The following MSI2 variants were observed in gnomAD, a reference collection of about 807,000 sequenced individuals.
MSI2 encodes musashi RNA binding protein 2.
In MSI2, 17 loss-of-function variants were observed where a neutral mutation model predicts 45.6. That is an observed-to-expected ratio of 0.37 (90% CI 0.26 to 0.56). The LOEUF is 0.56. Among genes scored for constraint, MSI2 ranks in the 20% least tolerant of loss-of-function variants. The probability of loss-of-function intolerance (pLI) is 0.77; values close to 1 mark genes in which losing one functional copy is unlikely to be tolerated. For synonymous variants in MSI2, 156 were observed against 158.2 expected (o/e 0.99, Z 0.11); for missense variants, 293 against 444.2 (o/e 0.66, Z 3.06).
At chr17:57,687,690 T>C (rs928934519), downstream of MSI2, among the ~76,000 whole-genome samples, 1 of 152,082 alleles carries the variant, frequency 6.6e-6, no homozygotes, top group Non-Finnish European at 1.5e-5. Context: ...TTCCAGATGA[T>C]AGAGAAATAT....
intron 6 of MSI2, among the ~76,000 whole-genome samples, chr17:57,469,121 G>T (rs944466945): frequency 2.0e-5 from 3 of 152,170 alleles, no homozygotes; most frequent in African/African-American, 7.2e-5. Flanking sequence ...GAGCCTCTTT[G>T]TGCTCTGAAA....
intron 6 of MSI2, among the ~76,000 whole-genome samples, chr17:57,404,531 A>C (rs2084048850): frequency 6.6e-6 from 1 of 152,162 alleles, no homozygotes; most frequent in African/African-American, 2.4e-5. Flanking sequence ...ACAGTGTAAG[A>C]GCCAGAATTC....
intron 6 of MSI2, among the ~76,000 whole-genome samples, chr17:57,503,676 G>A (rs1296275055): frequency 6.6e-6 from 1 of 152,342 alleles, no homozygotes; most frequent in South Asian, 2.1e-4. Context: ...TGGGGTGAGG[G>A]GCAGAGAAGG....
At chr17:57,436,645 G>T (rs372437393) in intron 6 of MSI2, among the ~76,000 whole-genome samples, 1 of 152,348 alleles carries the variant, frequency 6.6e-6, no homozygotes, top group South Asian at 2.1e-4. Context: ...CGCCGAGGAG[G>T]CAGGGGGGTG....
At chr17:57,628,932 C>T (rs1909081355) in intron 10 of MSI2, 1 of 153,502 alleles carries the variant, frequency 6.5e-6, no homozygotes, top group Non-Finnish European at 1.5e-5. Flanking sequence ...TGTCATTAGA[C>T]TTTCCCATTT....
rs1913568791 is a variant in MSI2 at position 57,681,081 on chromosome 17, A to T, written c.*1564A>T. The T allele has an allele frequency of 1.1e-5, 2 of 185,652 alleles. No homozygotes were observed. The highest frequency in any genetic ancestry group is 1.2e-4 in the Admixed American group (2 of 16,108). The allele number at this position is 185,652 out of a possible 1,614,324, so 11.5% of individuals were successfully genotyped here. On this transcript the variant is annotated 3_prime_UTR_variant, in exon 14 of 14. Coordinates refer to ENST00000284073, the MANE Select transcript of MSI2 (RefSeq NM_138962.4). ...AGAATTTTTTTTTAATTTATTGTAG[A>T]TGTAAACAGAATTTTAAAAATAAAA...
intron 5 of MSI2, among the ~76,000 whole-genome samples, chr17:57,378,089 GAAAA>G (rs1318819181): frequency 2.1e-5 from 3 of 145,918 alleles, no homozygotes; most frequent in South Asian, 2.2e-4. Flanking sequence ...AAAAAAAAAA[GAAAA>G]AAAAAGTGAA....
chr17:57,697,150 A>ACACACATACACACACACACT, the MSI2 span, among the ~76,000 whole-genome samples: 105,854 of 150,466 alleles, frequency 0.7, 37,970 homozygotes, highest in African/African-American at 0.79. Flanking sequence ...CAGGACACAC[A>ACACACATACACACACACACT]CACACACACA....
intron 7 of MSI2, among the ~76,000 whole-genome samples, chr17:57,550,997 A>C (rs1355913209): frequency 1.3e-5 from 2 of 152,166 alleles, no homozygotes; most frequent in Non-Finnish European, 2.9e-5. Context: ...CTGGAGATGT[A>C]ATTTGAATTT....
At chr17:57,381,190 C>G (rs2083591790) in intron 5 of MSI2, among the ~76,000 whole-genome samples, 1 of 152,168 alleles carries the variant, frequency 6.6e-6, no homozygotes. Context: ...ACCTCAGCCT[C>G]CCTAGTAGCT....
At chr17:57,304,979 C>CG (rs1911761507) in intron 5 of MSI2, among the ~76,000 whole-genome samples, 1 of 151,944 alleles carries the variant, frequency 6.6e-6, no homozygotes, top group Admixed American at 6.6e-5. Context: ...TTTTGTGGGA[C>CG]GGGGGGATAC....
intron 6 of MSI2, among the ~76,000 whole-genome samples, chr17:57,493,997 A>G (rs901945879): frequency 5.3e-5 from 8 of 152,218 alleles, no homozygotes; most frequent in South Asian, 4.1e-4. Flanking sequence ...TGCTACGGAC[A>G]GAGTGCTCTT....
chr17:57,633,125 G>T (rs779390722), intron 10 of MSI2: 1 of 1,026,356 alleles, frequency 9.7e-7, no homozygotes, highest in Non-Finnish European at 1.2e-6. Context: ...CCCTGATGAC[G>T]TTTTATTTTT....
chr17:57,563,707 G>GTC (rs577585040), intron 7 of MSI2, among the ~76,000 whole-genome samples: 2 of 145,426 alleles, frequency 1.4e-5, no homozygotes, highest in Admixed American at 6.8e-5. Context: ...CTGTCTGTCT[G>GTC]TCTCTCTCTC....
At chr17:57,567,857 A>T (rs904275750) in intron 7 of MSI2, among the ~76,000 whole-genome samples, 3 of 152,232 alleles carry the variant, frequency 2.0e-5, no homozygotes, top group African/African-American at 7.2e-5. Context: ...AGGGGAAGGG[A>T]GGAGACAGAA....
chr17:57,364,593 G>C (rs1917052336), intron 5 of MSI2, among the ~76,000 whole-genome samples: 1 of 152,126 alleles, frequency 6.6e-6, no homozygotes, highest in Non-Finnish European at 1.5e-5. Context: ...GTTTAAGCCC[G>C]TTTTCCACCC....
At chr17:57,666,381 T>G (rs62058156) in intron 11 of MSI2, among the ~76,000 whole-genome samples, 41,128 of 152,176 alleles carry the variant, frequency 0.27, 6,051 homozygotes, top group East Asian at 0.41. Flanking sequence ...GTGAAACACC[T>G]ACCAACATGC....
intron 7 of MSI2, among the ~76,000 whole-genome samples, chr17:57,549,516 G>T (rs2087255306): frequency 6.6e-6 from 1 of 152,100 alleles, no homozygotes. Flanking sequence ...CCTATCCTCA[G>T]CTATAATACC....
chr17:57,450,255 T>TAGAAAGAAAGAAAGAAAG (rs1567830518), intron 6 of MSI2: 35 of 76,032 alleles, frequency 4.6e-4, no homozygotes, highest in African/African-American at 1.4e-3. Flanking sequence ...TTCCCCAGCT[T>TAGAAAGAAAGAAAGAAAG]AAAGAAAGAA....
Sources: allele counts gnomAD v4.1 joint callset (sites outside exome capture counted in the v4.1 genomes callset), GRCh38; gene constraint gnomAD v4.1.1; transcripts MANE v1.5; gene names NCBI Gene and HGNC (gene_info 2026-07-23, HGNC 2026-07-21).